Variants in BTBD9 observed in about 807,000 individuals in gnomAD.
The protein encoded by BTBD9 is BTB domain containing 9, also known as BTB/POZ domain-containing protein 9.
In BTBD9, 49 loss-of-function variants were observed where a neutral mutation model predicts 64.3. That is an observed-to-expected ratio of 0.76 (90% CI 0.61 to 0.97). BTBD9 has a LOEUF of 0.97. BTBD9 is among the 50% of genes least tolerant of loss of function. The pLI is 0.00. For synonymous variants in BTBD9, 260 were observed against 274.7 expected (o/e 0.95, Z 0.53); for missense variants, 598 against 762.1 (o/e 0.78, Z 2.53).
intron 9 of BTBD9, among the ~76,000 whole-genome samples, chr6:38,213,063 A>C (rs921421645): frequency 1.3e-5 from 2 of 151,886 alleles, no homozygotes; most frequent in African/African-American, 4.8e-5. Flanking sequence ...AATTAATGTC[A>C]AAAGCCCATG....
At chr6:38,223,694 C>T (rs556785129) in intron 9 of BTBD9, among the ~76,000 whole-genome samples, 3 of 152,248 alleles carry the variant, frequency 2.0e-5, no homozygotes, top group Admixed American at 6.5e-5. Flanking sequence ...CACCCATTCA[C>T]GGCTCTGCCC....
chr6:38,367,240 G>A (rs1000479473), intron 6 of BTBD9, among the ~76,000 whole-genome samples: 1 of 152,212 alleles, frequency 6.6e-6, no homozygotes, highest in Non-Finnish European at 1.5e-5. Flanking sequence ...GGAAAGATTA[G>A]TAAAATTTGG....
In BTBD9 at chr6:38,471,518, T is replaced by C. The variant is rs74757304; in HGVS notation, c.1154+106082A>G. Among the ~76,000 whole-genome samples the C allele has an allele frequency of 5.2e-3, 799 of 152,292 alleles. 4 individuals are homozygous for C. Among genetic ancestry groups the C allele is most frequent in the African/African-American group, 0.018 (743 of 41,566 alleles). On this transcript the variant is annotated intron_variant, in intron 6 of 10. Transcript: ENST00000481247. Reference sequence around the variant, plus strand: ...TCAGAATAAATATAGGTAACAAGTCTAAGTGACTTGTACTGACTAAAGGTT... The same window carrying C: ...TCAGAATAAATATAGGTAACAAGTCCAAGTGACTTGTACTGACTAAAGGTT...
chr6:38,524,653 GAAACT>G (rs1773407703), intron 6 of BTBD9, among the ~76,000 whole-genome samples: 1 of 11,356 alleles, frequency 8.8e-5, no homozygotes, highest in African/African-American at 3.5e-4. Context: ...TATCCATTTA[GAAACT>G]GAAACTGGTT....
At chr6:38,599,608 T>C (rs534606718) in intron 1 of BTBD9, among the ~76,000 whole-genome samples, 1 of 152,312 alleles carries the variant, frequency 6.6e-6, no homozygotes, top group African/African-American at 2.4e-5. Flanking sequence ...GACAGATATG[T>C]TATCTCTGCT....
At chr6:38,432,479 A>G (rs4580846) in intron 6 of BTBD9, among the ~76,000 whole-genome samples, 17,730 of 151,934 alleles carry the variant, frequency 0.12, 1,227 homozygotes, top group Non-Finnish European at 0.13. Context: ...GATTGGGATT[A>G]TGGGAGGGTC....
At chr6:38,383,070 A>G (rs1246507146) in intron 6 of BTBD9, among the ~76,000 whole-genome samples, 2 of 152,192 alleles carry the variant, frequency 1.3e-5, no homozygotes, top group African/African-American at 4.8e-5. Flanking sequence ...AAAATTAGAC[A>G]AGCACAAGAA....
chr6:38,284,194 A>G (rs994762669), intron 8 of BTBD9, among the ~76,000 whole-genome samples: 2 of 151,770 alleles, frequency 1.3e-5, no homozygotes, highest in Non-Finnish European at 2.9e-5. Context: ...TTTTACTGGG[A>G]AAAAAAAGCG....
intron 6 of BTBD9, among the ~76,000 whole-genome samples, chr6:38,428,426 T>A: frequency 6.6e-6 from 1 of 151,198 alleles, no homozygotes. Context: ...AACTACGTTC[T>A]CTGTTGCCCA....
rs530335947 is a variant in BTBD9 at position 38,527,570 on chromosome 6, C to T, written c.1154+50030G>A. Among the ~76,000 whole-genome samples the T allele has an allele frequency of 5.3e-5, 8 of 152,202 alleles. No homozygotes were observed. In the South Asian group the frequency reaches 1.7e-3, roughly 32 times the overall value. On this transcript the variant is annotated intron_variant, in intron 6 of 10. Coordinates refer to ENST00000481247, the MANE Select transcript of BTBD9 (RefSeq NM_001099272.2). The stretch of plus-strand genomic sequence containing the variant: ...GCAATCTTGTGAAGGTGCCTGCTTC[C>T]CCTTCTGTCATGACTGTATGTTTCC...
At chr6:38,211,402 C>A (rs1582057110) in intron 9 of BTBD9, among the ~76,000 whole-genome samples, 1 of 147,834 alleles carries the variant, frequency 6.8e-6, no homozygotes, top group African/African-American at 2.5e-5. Flanking sequence ...GCACTCCAGC[C>A]TGGGCAAAAG....
At position 38,289,535 on chromosome 6, in the gene BTBD9, T is replaced by G. The variant is rs528681210; in HGVS notation, c.1265-1074A>C. Among the ~76,000 whole-genome samples, 8 of 152,330 alleles carry G rather than the reference T, an allele frequency of 5.3e-5. No homozygotes were observed. The South Asian group carries it at 1.7e-3, about 32-fold the overall frequency. On this transcript the variant is annotated intron_variant, in intron 7 of 10. Coordinates refer to ENST00000481247, the MANE Select transcript of BTBD9 (RefSeq NM_001099272.2). ...AATATCTATTATTCTGAAAGTCTGT[T>G]TAAAGAAACATGTTAAATTCAGAAT...
At chr6:38,213,622 A>G (rs1012742566) in intron 9 of BTBD9, among the ~76,000 whole-genome samples, 2 of 152,338 alleles carry the variant, frequency 1.3e-5, no homozygotes, top group African/African-American at 4.8e-5. Flanking sequence ...GTGAGGCAGT[A>G]TGTGGCATGT....
At chr6:38,311,663 C>A (rs1762840100) in intron 7 of BTBD9, among the ~76,000 whole-genome samples, 1 of 152,094 alleles carries the variant, frequency 6.6e-6, no homozygotes. Context: ...CCAAACTGTT[C>A]TCCATAGTGG....
chr6:38,368,906 T>C (rs1765300462), intron 6 of BTBD9, among the ~76,000 whole-genome samples: 1 of 152,194 alleles, frequency 6.6e-6, no homozygotes, highest in Non-Finnish European at 1.5e-5. Flanking sequence ...CTCAGATGTG[T>C]AGGCTGAAGA....
At chr6:38,584,339 G>A (rs572803403) in intron 4 of BTBD9, among the ~76,000 whole-genome samples, 150 of 152,064 alleles carry the variant, frequency 9.9e-4, no homozygotes, top group African/African-American at 3.5e-3. Context: ...AAAAAACAAG[G>A]TGATAAAGAT....
At chr6:38,506,577 A>C (rs1217562248) in intron 6 of BTBD9, among the ~76,000 whole-genome samples, 1 of 152,198 alleles carries the variant, frequency 6.6e-6, no homozygotes, top group Non-Finnish European at 1.5e-5. Context: ...TCCTGCTTTC[A>C]CATCATTGTA....
chr6:38,488,404 T>C lies in BTBD9; in HGVS notation c.1154+89196A>G, dbSNP rs149038698. On this transcript the variant is annotated intron_variant, in intron 6 of 10. Coordinates refer to ENST00000481247, the MANE Select transcript of BTBD9 (RefSeq NM_001099272.2). ...TGAGAAGCTTGGGGAAGAATCAGAA[T>C]TATCCAGGTTTAGAGCTGCAAGGAA... 5.4e-3 allele frequency among the ~76,000 whole-genome samples: 828 copies of C among 152,254 alleles called. 9 individuals are homozygous for C. Among genetic ancestry groups the C allele is most frequent in the Middle Eastern group, 6.8e-3 (2 of 294 alleles).
intron 7 of BTBD9, among the ~76,000 whole-genome samples, chr6:38,338,579 T>A (rs542119715): frequency 1.3e-5 from 2 of 152,240 alleles, no homozygotes; most frequent in African/African-American, 4.8e-5. Flanking sequence ...AACCTAGAGC[T>A]CTATGCCCTA....
Sources: allele counts gnomAD v4.1 joint callset (sites outside exome capture counted in the v4.1 genomes callset), GRCh38; gene constraint gnomAD v4.1.1; transcripts MANE v1.5; gene names NCBI Gene and HGNC (gene_info 2026-07-23, HGNC 2026-07-21).